CSMD1: variants seen among roughly 807,000 people sequenced by gnomAD.
The protein encoded by CSMD1 is CUB and Sushi multiple domains 1, also known as CUB and sushi domain-containing protein 1.
Under a neutral mutation model 417.5 loss-of-function variants are expected in CSMD1, and 213 were observed. That is an observed-to-expected ratio of 0.51 (90% CI 0.46 to 0.57). CSMD1 has a LOEUF of 0.57. CSMD1 is among the 20% of genes least tolerant of loss of function. The probability of loss-of-function intolerance (pLI) is 0.00; values close to 1 mark genes in which losing one functional copy is unlikely to be tolerated. For missense variants in CSMD1, 6,923 were observed against 4,529.7 expected, an observed-to-expected ratio of 1.53 and a Z score of -15.17; for synonymous variants, 2,862 against 1,736.8, an observed-to-expected ratio of 1.65 and a Z score of -16.11.
intron 7 of CSMD1, among the ~76,000 whole-genome samples, chr8:3,637,412 A>C (rs1027433667): frequency 6.6e-6 from 1 of 152,178 alleles, no homozygotes. Context: ...AACTTAAATA[A>C]ATTAAATAAT....
At chr8:3,564,460 T>G (rs1223209302) in intron 10 of CSMD1, among the ~76,000 whole-genome samples, 1 of 151,960 alleles carries the variant, frequency 6.6e-6, no homozygotes, top group East Asian at 1.9e-4. Context: ...TGTAACACTT[T>G]ACGTTGTACA....
chr8:4,314,825 G>C (rs112577644), intron 3 of CSMD1, among the ~76,000 whole-genome samples: 1,606 of 152,290 alleles, frequency 0.011, 24 homozygotes, highest in African/African-American at 0.037. Flanking sequence ...AAGGGCAAAG[G>C]ATTTTGTAAG....
intron 1 of CSMD1, among the ~76,000 whole-genome samples, chr8:4,872,937 A>G (rs996811181): frequency 2.0e-5 from 3 of 152,012 alleles, no homozygotes; most frequent in African/African-American, 4.8e-5. Flanking sequence ...TTTTATTTCC[A>G]TCTCTATTGA....
intron 3 of CSMD1, among the ~76,000 whole-genome samples, chr8:4,336,783 G>A (rs949669973): frequency 1.4e-4 from 21 of 152,106 alleles, no homozygotes; most frequent in Non-Finnish European, 2.4e-4. Context: ...GGCCCAGAGG[G>A]AGATGCCGCC....
At chr8:3,222,395 C>A (rs1798269708) in intron 28 of CSMD1, among the ~76,000 whole-genome samples, 1 of 151,950 alleles carries the variant, frequency 6.6e-6, no homozygotes. Context: ...TTGCAGCCTC[C>A]ACCTCCTGGG....
chr8:3,703,324 G>C (rs1054060102), intron 7 of CSMD1, among the ~76,000 whole-genome samples: 1 of 152,178 alleles, frequency 6.6e-6, no homozygotes, highest in Non-Finnish European at 1.5e-5. Context: ...TAAAGAAGCT[G>C]ATGAACGTGG....
intron 5 of CSMD1, among the ~76,000 whole-genome samples, chr8:3,804,317 C>G (rs118056437): frequency 1.5e-3 from 234 of 152,118 alleles, no homozygotes; most frequent in Non-Finnish European, 2.9e-3. Context: ...TGTGCTGAGA[C>G]CAGTTGAAAC....
intron 1 of CSMD1, among the ~76,000 whole-genome samples, chr8:4,961,857 T>C (rs1055607278): frequency 1.3e-5 from 2 of 151,202 alleles, no homozygotes; most frequent in Non-Finnish European, 2.9e-5. Flanking sequence ...TTGATTTCAC[T>C]TTAAATTTTC....
chr8:3,804,532 G>A (rs1800625588), intron 5 of CSMD1, among the ~76,000 whole-genome samples: 2 of 152,102 alleles, frequency 1.3e-5, no homozygotes, highest in Admixed American at 6.5e-5. Context: ...TACGCATCAT[G>A]TTGCTATAAA....
At chr8:4,816,642 A>G (rs1799224535) in intron 1 of CSMD1, among the ~76,000 whole-genome samples, 1 of 152,198 alleles carries the variant, frequency 6.6e-6, no homozygotes, top group South Asian at 2.1e-4. Context: ...TCCCGACCGT[A>G]TGGCTCTACA....
chr8:3,687,028 G>A (rs1214880387), intron 7 of CSMD1, among the ~76,000 whole-genome samples: 4 of 152,138 alleles, frequency 2.6e-5, no homozygotes, highest in African/African-American at 9.7e-5. Context: ...AGTAGGGGTG[G>A]ATGGCAGATG....
intron 3 of CSMD1, among the ~76,000 whole-genome samples, chr8:4,342,184 A>G (rs1672329747): frequency 6.6e-6 from 1 of 150,406 alleles, no homozygotes; most frequent in Admixed American, 6.7e-5. Flanking sequence ...CCCTTATGCA[A>G]ACTTGGCAGC....
chr8:3,058,845 C>T (rs1228425532), intron 49 of CSMD1, among the ~76,000 whole-genome samples: 7 of 152,090 alleles, frequency 4.6e-5, no homozygotes, highest in African/African-American at 1.7e-4. Flanking sequence ...AGTGTCCTAG[C>T]AGGATCCACA....
At position 3,637,777 on chromosome 8, in the gene CSMD1, C is replaced by A. The variant is rs567453288; in HGVS notation, c.1010-20980G>T. ...ATCTTGAATTGTAGCTCCCATAATT[C>A]CCACATCTTGGGAGGGACCCAGTGG... On this transcript the variant is annotated intron_variant, in intron 7 of 69. Coordinates refer to ENST00000635120, the MANE Select transcript of CSMD1 (RefSeq NM_033225.6). 8.5e-5 allele frequency among the ~76,000 whole-genome samples: 13 copies of A among 152,256 alleles called. No individual in the cohort carries two copies. The East Asian group carries it at 2.5e-3, about 30-fold the overall frequency.
intron 12 of CSMD1, among the ~76,000 whole-genome samples, chr8:3,453,921 C>T (rs916464217): frequency 3.9e-5 from 6 of 152,136 alleles, no homozygotes; most frequent in East Asian, 1.9e-4. Context: ...GTGTTAAAGT[C>T]TCCCATTATT....
At chr8:3,978,016 T>C (rs1585066583) in intron 5 of CSMD1, among the ~76,000 whole-genome samples, 1 of 152,220 alleles carries the variant, frequency 6.6e-6, no homozygotes, top group Non-Finnish European at 1.5e-5. Context: ...CTTACTCAGA[T>C]GGACACTTGC....
chr8:3,257,525 GTGTCGA>G (rs1363468420), intron 26 of CSMD1, among the ~76,000 whole-genome samples: 2 of 152,222 alleles, frequency 1.3e-5, no homozygotes, highest in Admixed American at 6.5e-5. Context: ...GAAGACAGGA[GTGTCGA>G]TGGCACTGAG....
intron 1 of CSMD1, among the ~76,000 whole-genome samples, chr8:4,864,897 A>AAACACACACACACACACACAAAC (rs1802338050): frequency 2.0e-5 from 1 of 50,402 alleles, no homozygotes; most frequent in African/African-American, 4.6e-5. Flanking sequence ...CACACACACA[A>AAACACACACACACACACACAAAC]ACACACACAC....
At chr8:4,826,663 T>G (rs762246149) in intron 1 of CSMD1, among the ~76,000 whole-genome samples, 1 of 152,086 alleles carries the variant, frequency 6.6e-6, no homozygotes, top group Non-Finnish European at 1.5e-5. Context: ...CTCTCATGTG[T>G]AGCTTTCCTT....
Sources: allele counts gnomAD v4.1 joint callset (sites outside exome capture counted in the v4.1 genomes callset), GRCh38; gene constraint gnomAD v4.1.1; transcripts MANE v1.5; gene names NCBI Gene and HGNC (gene_info 2026-07-23, HGNC 2026-07-21).